The following DGKD variants were observed in gnomAD, a reference collection of about 807,000 sequenced individuals.
DGKD encodes the protein DAG kinase delta.
DGKD carries 68 observed loss-of-function variants against 154.4 expected under a neutral mutation model. The ratio of observed to expected loss-of-function variants is 0.44; its 90% confidence interval spans 0.36 to 0.54. DGKD has a LOEUF of 0.54. DGKD is among the 20% of genes least tolerant of loss of function. The pLI is 0.00. For missense variants in DGKD, 1,343 were observed against 1,593.6 expected (o/e 0.84, Z 2.68); for synonymous variants, 693 against 638.0 (o/e 1.09, Z -1.30).
intron 3 of DGKD, among the ~76,000 whole-genome samples, chr2:233,394,316 C>T (rs965863395): frequency 1.3e-5 from 2 of 152,036 alleles, no homozygotes; most frequent in Non-Finnish European, 2.9e-5. Flanking sequence ...AATTATGACT[C>T]ACTGCAGCCT....
intron 3 of DGKD, among the ~76,000 whole-genome samples, chr2:233,427,265 G>A (rs923886701): frequency 8.0e-5 from 12 of 150,894 alleles, no homozygotes; most frequent in Non-Finnish European, 1.8e-4. Context: ...TTGGTGGGAC[G>A]TCCTGCAGCC....
chr2:233,471,297 T>C lies in DGKD; in HGVS notation c.*1837T>C, dbSNP rs2064007643. On this transcript the variant is annotated 3_prime_UTR_variant, in exon 30 of 30. Coordinates refer to ENST00000264057, the MANE Select transcript of DGKD (RefSeq NM_152879.3). Reference sequence around the variant, plus strand: ...AAGTGATGTGGGTGGAAGGTGGTTGTATGTTACCTTTTCCACCTCTCATTG... The same window carrying C: ...AAGTGATGTGGGTGGAAGGTGGTTGCATGTTACCTTTTCCACCTCTCATTG... 1 of 152,402 alleles carries C rather than the reference T, an allele frequency of 6.6e-6. No homozygotes were observed. The highest frequency in any genetic ancestry group is 1.5e-5 in the Non-Finnish European group (1 of 68,042). 9.4% of individuals were successfully genotyped at this position (152,402 alleles called of 1,614,324 possible). A position where few individuals can be genotyped will look rare whatever the true frequency, so the allele number is the denominator to read the frequency against.
rs1348479271 is a variant in DGKD at position 233,442,175 on chromosome 2, C to T, written c.1194+180C>T. ...AGAGAGGGGAGAGCCTGGGCCACCC[C>T]CTGGCATTGTGGAGGCCCGGGGGCT... On this transcript the variant is annotated intron_variant, in intron 10 of 29. Coordinates refer to ENST00000264057, the MANE Select transcript of DGKD (RefSeq NM_152879.3). 1.1e-5 allele frequency: 8 copies of T among 710,476 alleles called. No individual in the cohort carries two copies. The Admixed American group carries it at 1.4e-4, about 13-fold the overall frequency. The allele number at this position is 710,476 out of a possible 1,614,324, so 44.0% of individuals were successfully genotyped here.
At chr2:233,436,019 T>C (rs1402103354) in intron 6 of DGKD, 95 bp downstream of exon 6, 1 of 1,305,356 alleles carries the variant, frequency 7.7e-7, no homozygotes, top group African/African-American at 1.5e-5. Context: ...CTGCCACTGT[T>C]TCATTTGAGA....
At chr2:233,454,662 T>C in intron 18 of DGKD, 101 bp from the exon 19 acceptor site, 1 of 684,014 alleles carries the variant, frequency 1.5e-6, no homozygotes, top group Admixed American at 2.7e-5. Flanking sequence ...AAGAAAAAGT[T>C]ACCAGTTTTC....
intron 3 of DGKD, among the ~76,000 whole-genome samples, chr2:233,391,443 G>A (rs911341526): frequency 6.6e-6 from 1 of 151,898 alleles, no homozygotes; most frequent in Non-Finnish European, 1.5e-5. Flanking sequence ...GTAGAGAGTT[G>A]CTCATGTCAG....
At chr2:233,450,270 A>G (rs2063230647) in intron 16 of DGKD, 139 bp downstream of exon 16, 1 of 1,163,762 alleles carries the variant, frequency 8.6e-7, no homozygotes, top group African/African-American at 1.6e-5. Context: ...TGAGCGCCCA[A>G]GGCCTGTTTC....
intron 1 of DGKD, among the ~76,000 whole-genome samples, chr2:233,358,673 C>T (rs1022896206): frequency 6.6e-6 from 1 of 152,214 alleles, no homozygotes; most frequent in African/African-American, 2.4e-5. Flanking sequence ...GGTCTGGCTT[C>T]TTTAACTTAG....
chr2:233,355,765 A>G (rs1701507175), intron 1 of DGKD, among the ~76,000 whole-genome samples: 1 of 152,254 alleles, frequency 6.6e-6, no homozygotes, highest in South Asian at 2.1e-4. Context: ...AATAGCAAAT[A>G]ACAATTCTTT....
intron 1 of DGKD, among the ~76,000 whole-genome samples, chr2:233,370,570 C>T (rs7576622): frequency 0.22 from 27,591 of 123,402 alleles, 3,831 homozygotes; most frequent in African/African-American, 0.41. Flanking sequence ...AGAACTTCTT[C>T]TTTTTTTTTT....
At position 233,457,470 on chromosome 2, in the gene DGKD, C is replaced by T; in HGVS notation, c.2580+142C>T. Reference sequence around the variant, plus strand: ...GGGTTGCCGTGGAGAACAAGATAGACAGGGTCCCCCACCCAGCTCATCGTC... The same window carrying T: ...GGGTTGCCGTGGAGAACAAGATAGATAGGGTCCCCCACCCAGCTCATCGTC... On this transcript the variant is annotated intron_variant, in intron 21 of 29. Coordinates refer to ENST00000264057, the MANE Select transcript of DGKD (RefSeq NM_152879.3). This position sits in a 1 kb window ranked among gnomAD's most constrained non-coding sequence, Gnocchi z 5.5. The T allele has an allele frequency of 1.4e-6, 1 of 717,496 alleles. No individual in the cohort carries two copies. Among genetic ancestry groups the T allele is most frequent in the East Asian group, 2.7e-5 (1 of 37,110 alleles). 44.4% of individuals were successfully genotyped at this position (717,496 alleles called of 1,614,324 possible).
intron 12 of DGKD, chr2:233,447,846 A>AT: frequency 1.5e-6 from 2 of 1,340,272 alleles, no homozygotes; most frequent in Non-Finnish European, 1.9e-6. Context: ...ACTGAAGGAG[A>AT]TTCATTTGCA....
chr2:233,392,945 T>G (rs560895209), intron 3 of DGKD, among the ~76,000 whole-genome samples: 1 of 152,366 alleles, frequency 6.6e-6, no homozygotes. Flanking sequence ...TTTCGTAAAC[T>G]CTAGCATTTT....
rs1323827224 is a variant in DGKD, at chr2:233,467,271, T to A, written c.3424+68T>A. 3 of 1,118,994 alleles carry A rather than the reference T, an allele frequency of 2.7e-6. No homozygotes were observed. In the Admixed American group the frequency reaches 5.1e-5, roughly 19 times the overall value. 69.3% of individuals were successfully genotyped at this position (1,118,994 alleles called of 1,614,324 possible). A position where few individuals can be genotyped will look rare whatever the true frequency, so the allele number is the denominator to read the frequency against. On this transcript the variant is annotated intron_variant, in intron 28 of 29. Transcript: ENST00000264057. ...TGCTGGATCGGCCCCGTTCCCCTGG[T>A]CTCTGCTTTCTCCCTTGGCCTTGCA...
intron 1 of DGKD, among the ~76,000 whole-genome samples, chr2:233,374,311 A>G (rs1364013942): frequency 6.7e-6 from 1 of 149,190 alleles, no homozygotes; most frequent in African/African-American, 2.5e-5. Flanking sequence ...TCAGACTCCC[A>G]AAGTGCTGGG....
rs963517601 is a variant in DGKD, at chr2:233,431,445, T to C, written c.349-2935T>C. 2.0e-5 allele frequency among the ~76,000 whole-genome samples: 3 copies of C among 152,260 alleles called. No individual in the cohort carries two copies. The South Asian group carries it at 6.2e-4, about 32-fold the overall frequency. On this transcript the variant is annotated intron_variant, in intron 3 of 29. Coordinates refer to ENST00000264057, the MANE Select transcript of DGKD (RefSeq NM_152879.3). ...AATGCAATTCCTATTAAAATACCAA[T>C]GACATTCTTCACAGAAATGGAAAAA...
rs1334818951 is a variant in DGKD, at chr2:233,459,660, G to A, written c.2695-97G>A. 4.7e-6 allele frequency: 7 copies of A among 1,498,132 alleles called. No homozygotes were observed. Among genetic ancestry groups the A allele is most frequent in the Non-Finnish European group, 5.4e-6 (6 of 1,110,460 alleles). The allele number at this position is 1,498,132 out of a possible 1,614,324, so 92.8% of individuals were successfully genotyped here. The stretch of plus-strand genomic sequence containing the variant: ...TGGGGTGTCCTGCAAGGCAGGGACG[G>A]GTGTGTGGAGCAGGAAGGTCATGGT... On this transcript the variant is annotated intron_variant, in intron 22 of 29. Transcript: ENST00000264057. This position sits in a 1 kb window ranked among gnomAD's most constrained non-coding sequence, Gnocchi z 5.7.
In DGKD at chr2:233,458,993, C is replaced by T. The variant is rs1034666986; in HGVS notation, c.2694+596C>T. On this transcript the variant is annotated intron_variant, in intron 22 of 29. Transcript: ENST00000264057. This position sits in a 1 kb window ranked among gnomAD's most constrained non-coding sequence, Gnocchi z 6.6. ...GAGCAGACCCAGGCTGGACTCTGCC[C>T]GTGTCTGCAGCTGTCAAAGCCGCAG... 1.3e-5 allele frequency among the ~76,000 whole-genome samples: 2 copies of T among 152,202 alleles called. No individual in the cohort carries two copies. Among genetic ancestry groups the T allele is most frequent in the Non-Finnish European group, 2.9e-5 (2 of 68,040 alleles).
At chr2:233,390,822 C>T (rs981209761) in intron 3 of DGKD, among the ~76,000 whole-genome samples, 1 of 152,202 alleles carries the variant, frequency 6.6e-6, no homozygotes, top group Non-Finnish European at 1.5e-5. Context: ...CAACTTCCGC[C>T]TCCCGAGTTC....
Sources: allele counts gnomAD v4.1 joint callset (sites outside exome capture counted in the v4.1 genomes callset), GRCh38; gene constraint gnomAD v4.1.1; non-coding constraint Gnocchi (gnomAD v3.1); transcripts MANE v1.5; gene names NCBI Gene and HGNC (gene_info 2026-07-23, HGNC 2026-07-21).